The following PLIN4 variants were observed in gnomAD, a reference collection of about 807,000 sequenced individuals.
PLIN4 encodes the protein perilipin-4.
PLIN4 carries 57 observed loss-of-function variants against 52.4 expected under a neutral mutation model. The observed-to-expected ratio is 1.09, with a 90% confidence interval of 0.88 to 1.36. PLIN4 has a LOEUF of 1.36. PLIN4 is among the 40% of genes most tolerant of loss of function. The pLI is 0.00. For synonymous variants in PLIN4, 826 were observed against 785.4 expected, an observed-to-expected ratio of 1.05 and a Z score of -0.86; for missense variants, 1,757 against 1,770.3, an observed-to-expected ratio of 0.99 and a Z score of 0.13.
In PLIN4 at chr19:4,504,729, C is replaced by T. The variant is rs747687506; in HGVS notation, c.3846G>A (p.Thr1282=). The T allele has an allele frequency of 2.4e-5, 38 of 1,599,724 alleles. No individual in the cohort carries two copies. Among genetic ancestry groups the T allele is most frequent in the African/African-American group, 5.3e-5 (4 of 74,778 alleles). The change falls in exon 8 of 8, where the codon ACG becomes ACA. Residue 1282 remains threonine, a synonymous_variant. Coordinates refer to ENST00000301286, the MANE Select transcript of PLIN4 (RefSeq NM_001367868.2). Reference sequence around the variant, plus strand: ...GGCTGGAGACCAGGCCACTGTAGGCCGTGTGCAGCTGCCGGAGAAGGCCGC... The same window carrying T: ...GGCTGGAGACCAGGCCACTGTAGGCTGTGTGCAGCTGCCGGAGAAGGCCGC... The part of the protein sequence containing the change: ...RVCGLLRQLH[T]AYSGLVSSLQ...
rs745942098 is a variant in PLIN4 at position 4,510,959 on chromosome 19, C to T, written c.3001G>A (p.Val1001Ile). 3.7e-6 allele frequency: 6 copies of T among 1,613,062 alleles called. No individual in the cohort carries two copies. The highest frequency in any genetic ancestry group is 5.1e-6 in the Non-Finnish European group (6 of 1,179,818). The change falls in exon 5 of 8, where the codon GTT (valine) becomes ATT (isoleucine). Residue 1001 changes from valine to isoleucine, a missense_variant. Around this residue, in one of 7 missense-constraint regions of PLIN4, gnomAD observed 712 missense variants for 637.1 expected, o/e 1.12. Coordinates refer to ENST00000301286, the MANE Select transcript of PLIN4 (RefSeq NM_001367868.2). Reference protein sequence around the residue: ...MGTKDTVFSGVTGAMSMAKGA... With the variant: ...MGTKDTVFSGITGAMSMAKGA... The stretch of plus-strand genomic sequence containing the variant: ...TTGGCCATGCTCATGGCACCGGTAA[C>T]CCCACTGAAGACAGTGTCCTTGGTA...
Position 4,502,252 on chromosome 19 carries a change from T to G in PLIN4, c.*2207A>C. ...TGGTTTTCTAGCATTGCTGGTGCAG[T>G]GGGGGCCTGAGCTGGGGCGCAGGCG... On this transcript the variant is annotated 3_prime_UTR_variant, in exon 8 of 8. Transcript: ENST00000301286. 1.7e-6 allele frequency: 1 copy of G among 599,120 alleles called. No homozygotes were observed. The highest frequency in any genetic ancestry group is 3.0e-6 in the Non-Finnish European group (1 of 329,198). The allele number at this position is 599,120 out of a possible 1,614,324, so 37.1% of individuals were successfully genotyped here.
At position 4,504,714 on chromosome 19, in the gene PLIN4, C is replaced by T; in HGVS notation, c.3861G>A (p.Leu1287=). Residue 1287 remains leucine, a synonymous_variant, in exon 8 of 8, where the codon CTG becomes CTA. Coordinates refer to ENST00000301286, the MANE Select transcript of PLIN4 (RefSeq NM_001367868.2). ...CGGGCAGGCCCTGGAGGCTGGAGAC[C>T]AGGCCACTGTAGGCCGTGTGCAGCT... ...LRQLHTAYSG[L]VSSLQGLPAE... 1.2e-6 allele frequency: 2 copies of T among 1,602,006 alleles called. No individual in the cohort carries two copies. The highest frequency in any genetic ancestry group is 1.7e-6 in the Non-Finnish European group (2 of 1,177,846).
intron 5 of PLIN4, among the ~76,000 whole-genome samples, chr19:4,510,178 A>C (rs1976243197): frequency 6.6e-6 from 1 of 152,032 alleles, no homozygotes; most frequent in Non-Finnish European, 1.5e-5. Flanking sequence ...CATCCTGGCT[A>C]ACACGGTGAA....
Position 4,503,773 on chromosome 19 carries a change from G to C in PLIN4, c.*686C>G, listed in dbSNP as rs1404412221. 1 of 152,388 alleles carries C rather than the reference G, an allele frequency of 6.6e-6. No individual in the cohort carries two copies. The highest frequency in any genetic ancestry group is 1.5e-5 in the Non-Finnish European group (1 of 68,166). The allele number at this position is 152,388 out of a possible 1,614,324, so 9.4% of individuals were successfully genotyped here. On this transcript the variant is annotated 3_prime_UTR_variant, in exon 8 of 8. Transcript: ENST00000301286. ...TGCAAACTGCTCAGTCTCAAGCCAGGCTGGTGCAAAGCCCCAGCTGTGGCT... is the reference window on the plus strand; with the variant it reads ...TGCAAACTGCTCAGTCTCAAGCCAGCCTGGTGCAAAGCCCCAGCTGTGGCT...
chr19:4,516,354 T>C (rs1383885430), intron 4 of PLIN4, among the ~76,000 whole-genome samples: 1 of 151,424 alleles, frequency 6.6e-6, no homozygotes, highest in Non-Finnish European at 1.5e-5. Context: ...CACAGCCCTG[T>C]GTAGACTGGA....
Position 4,508,798 on chromosome 19 carries a change from A to C in PLIN4, c.3672T>G (p.Thr1224=). ...LQHGQFQARD[T]LAQLQDCFRL... is the part of the protein sequence containing the mutation. ...TGAAGCAGTCCTGGAGCTGGGCCAG[A>C]GTGTCCCTGGCTTGGAACTGGCCGT... The change falls in exon 6 of 8, where the codon ACT becomes ACG. Residue 1224 remains threonine (T), a synonymous_variant. Transcript: ENST00000301286. 1.3e-6 allele frequency: 2 copies of C among 1,595,954 alleles called. No homozygotes were observed. The highest frequency in any genetic ancestry group is 1.7e-5 in the Admixed American group (1 of 57,288).
rs1247151662 is a variant in PLIN4, at chr19:4,502,232, T to G, written c.*2227A>C. On this transcript the variant is annotated 3_prime_UTR_variant, in exon 8 of 8. Transcript: ENST00000301286. ...AGAAATCACTTTTATTGGCTTGGTTTTCTAGCATTGCTGGTGCAGTGGGGG... is the reference window on the plus strand; with the variant it reads ...AGAAATCACTTTTATTGGCTTGGTTGTCTAGCATTGCTGGTGCAGTGGGGG... The G allele has an allele frequency of 1.6e-6, 1 of 635,372 alleles. No homozygotes were observed. The highest frequency in any genetic ancestry group is 1.8e-5 in the African/African-American group (1 of 54,132). The allele number at this position is 635,372 out of a possible 1,614,324, so 39.4% of individuals were successfully genotyped here.
intron 6 of PLIN4, among the ~76,000 whole-genome samples, chr19:4,507,459 G>T (rs1976129489): frequency 6.6e-6 from 1 of 152,200 alleles, no homozygotes; most frequent in African/African-American, 2.4e-5. Flanking sequence ...GAGGCAGGAG[G>T]ATCACTTGAA....
At chr19:4,509,033 G>A in intron 5 of PLIN4, 78 bp from the exon 6 acceptor site, 1 of 1,405,084 alleles carries the variant, frequency 7.1e-7, no homozygotes, top group Non-Finnish European at 9.5e-7. Flanking sequence ...GTGAGGGCCG[G>A]GCGCGGCGGT....
chr19:4,517,831 G>A, intron 2 of PLIN4, 133 bp from the exon 3 acceptor site: 2 of 1,196,716 alleles, frequency 1.7e-6, no homozygotes, highest in South Asian at 1.6e-5. Flanking sequence ...AAGTGTTTCA[G>A]CCACTCAGCC....
At chr19:4,509,268 G>A (rs554798857) in intron 5 of PLIN4, among the ~76,000 whole-genome samples, 11,884 of 117,440 alleles carry the variant, frequency 0.1, 663 homozygotes, top group Middle Eastern at 0.28. Context: ...CCGAGATGGA[G>A]CCACTGCACT....
Position 4,504,605 on chromosome 19 carries a change from C to T in PLIN4, c.3970G>A (p.Glu1324Lys), listed in dbSNP as rs368973007. 6.2e-7 allele frequency: 1 copy of T among 1,604,442 alleles called. No homozygotes were observed. Among genetic ancestry groups the T allele is most frequent in the East Asian group, 2.2e-5 (1 of 44,646 alleles). Residue 1324 changes from glutamate (E) to lysine (K), a missense_variant, in exon 8 of 8, where the codon GAG becomes AAG. By Grantham distance (56) the Glu-to-Lys change is moderately conservative (BLOSUM62 1). Around this residue, in one of 7 missense-constraint regions of PLIN4, gnomAD observed 712 missense variants for 637.1 expected, o/e 1.12. Transcript: ENST00000301286. Reference sequence around the variant, plus strand: ...TGCACCAGCCGCTCTGCGGGCAGCTCCTCTACAGAGCCAGCTGAGGCCACG... The same window carrying T: ...TGCACCAGCCGCTCTGCGGGCAGCTTCTCTACAGAGCCAGCTGAGGCCACG... ...GIVASAGSVE[E>K]LPAERLVQSR...
intron 2 of PLIN4, 44 bp from the exon 3 acceptor site, chr19:4,517,742 C>G (rs374883644): frequency 1.9e-6 from 3 of 1,545,340 alleles, no homozygotes. Context: ...GGCCAAGCCT[C>G]GGCAGGAACG....
rs774504714 is a variant in PLIN4, at chr19:4,512,551, C to G, written c.1409G>C (p.Cys470Ser). 2 of 1,611,234 alleles carry G rather than the reference C, an allele frequency of 1.2e-6. No individual in the cohort carries two copies. The highest frequency in any genetic ancestry group is 2.2e-5 in the South Asian group (2 of 90,332). ...IVLTGTKDTV[C>S]SGVTGAANVA... is the part of the protein sequence containing the mutation. ...ATTCGCAGCACCGGTGACCCCACTG[C>G]AGACAGTGTCCTTGGTACCAGTTAG... is the stretch of plus-strand genomic sequence containing the variant. Residue 470 changes from cysteine (C) to serine (S), a missense_variant, in exon 5 of 8, where the codon TGC becomes TCC. Cys to Ser is a moderately radical substitution (Grantham distance 112). Coordinates refer to ENST00000301286, the MANE Select transcript of PLIN4 (RefSeq NM_001367868.2).
At chr19:4,517,822 A>G (rs1406706811) in intron 2 of PLIN4, 124 bp from the exon 3 acceptor site, 1 of 1,290,298 alleles carries the variant, frequency 7.8e-7, no homozygotes, top group African/African-American at 1.5e-5. Flanking sequence ...ACCTCAGGAA[A>G]GTGTTTCAGC....
At position 4,512,541 on chromosome 19, in the gene PLIN4, G is replaced by C. The variant is rs143246362; in HGVS notation, c.1419C>G (p.Val473=). 27,345 of 1,606,172 alleles carry C rather than the reference G, an allele frequency of 0.017. 403 individuals are homozygous for C. The highest frequency in any genetic ancestry group is 0.046 in the South Asian group (4,142 of 90,534). Residue 473 remains valine, a synonymous_variant, in exon 5 of 8, where the codon GTC becomes GTG. Coordinates refer to ENST00000301286, the MANE Select transcript of PLIN4 (RefSeq NM_001367868.2). The part of the protein sequence containing the change: ...TGTKDTVCSG[V]TGAANVAKGA... ...CTTTGGCCACATTCGCAGCACCGGT[G>C]ACCCCACTGCAGACAGTGTCCTTGG...
In PLIN4 at chr19:4,512,716, T is replaced by G. The variant is rs1452985003; in HGVS notation, c.1244A>C (p.Lys415Thr). 6.4e-7 allele frequency: 1 copy of G among 1,556,512 alleles called. No individual in the cohort carries two copies. The highest frequency in any genetic ancestry group is 2.2e-5 in the East Asian group (1 of 44,674). The change falls in exon 5 of 8, where the codon AAG (lysine) becomes ACG (threonine). Residue 415 changes from lysine to threonine, a missense_variant. Physicochemically the swap from Lys to Thr is moderately conservative, Grantham distance 78 (BLOSUM62 -1). Around this residue, in one of 7 missense-constraint regions of PLIN4, gnomAD observed 439 missense variants for 406.4 expected, o/e 1.08. Coordinates refer to ENST00000301286, the MANE Select transcript of PLIN4 (RefSeq NM_001367868.2). ...TGLTGAANVA[K>T]GAMQTGLNTT... ...GTTCAGCCCAGTTTGCATGGCCCCC[T>G]TGGCCACATTCGCTGCCCCTGTGAG...
intron 4 of PLIN4, 75 bp from the exon 5 acceptor site, chr19:4,513,776 C>A: frequency 6.8e-7 from 1 of 1,477,646 alleles, no homozygotes. Flanking sequence ...GCCAGCCCAG[C>A]CCCCTAGTGT....
Sources: allele counts gnomAD v4.1 joint callset (sites outside exome capture counted in the v4.1 genomes callset), GRCh38; gene constraint gnomAD v4.1.1; regional missense constraint gnomAD v4.1.1; transcripts MANE v1.5; gene names NCBI Gene and HGNC (gene_info 2026-07-23, HGNC 2026-07-21).